Variants in CRYBG3 observed in about 807,000 individuals in gnomAD.
The protein encoded by CRYBG3 is very large A-kinase anchor protein.
CRYBG3 carries 127 observed loss-of-function variants against 244.2 expected under a neutral mutation model. The observed-to-expected ratio is 0.52, with a 90% CI of 0.45 to 0.60. CRYBG3 has a LOEUF of 0.60. CRYBG3 is among the 20% of genes least tolerant of loss of function. The pLI, the probability that CRYBG3 is intolerant of heterozygous loss-of-function variation, is 0.00. For synonymous variants in CRYBG3, 1,132 were observed against 1,195.8 expected (o/e 0.95, Z 1.10); for missense variants, 3,325 against 3,442.5 (o/e 0.97, Z 0.85).
intron 17 of CRYBG3, chr3:97,933,462 G>GAGAT: frequency 1.7e-6 from 1 of 583,950 alleles, no homozygotes; most frequent in Non-Finnish European, 3.1e-6. Flanking sequence ...TTTTTATTAT[G>GAGAT]AGATTGATTG....
At chr3:97,847,911 C>A (rs2038926435) in intron 2 of CRYBG3, among the ~76,000 whole-genome samples, 1 of 152,130 alleles carries the variant, frequency 6.6e-6, no homozygotes, top group Admixed American at 6.6e-5. Flanking sequence ...TGACACATTA[C>A]CCTTATTTCT....
chr3:97,895,821 A>C (rs1262539105), intron 11 of CRYBG3, 138 bp from the exon 12 acceptor site: 2 of 706,444 alleles, frequency 2.8e-6, no homozygotes, highest in Non-Finnish European at 4.6e-6. Context: ...GTCTATCTTT[A>C]TAAATGAAAC....
At position 97,873,981 on chromosome 3, in the gene CRYBG3, A is replaced by C. The variant is rs1341287842; in HGVS notation, c.2787A>C (p.Leu929Phe). Residue 929 changes from leucine to phenylalanine, a missense_variant, in exon 4 of 22, where the codon TTA (leucine) becomes TTC (phenylalanine). By Grantham distance (22) the Leu-to-Phe change is conservative. Transcript: ENST00000389622. ...AGCCAGAACCAGAGGTAGATGCCTT[A>C]GGCTCTCCTCCTGCTCTTCTTAAAA... ...EDKPEPEVDA[L>F]GSPPALLKSN... The C allele has an allele frequency of 6.5e-7, 1 of 1,534,618 alleles. No individual in the cohort carries two copies. The highest frequency in any genetic ancestry group is 2.0e-5 in the Admixed American group (1 of 50,714).
chr3:97,934,349 T>G (rs1436108012), intron 18 of CRYBG3, among the ~76,000 whole-genome samples: 1 of 152,046 alleles, frequency 6.6e-6, no homozygotes, highest in East Asian at 1.9e-4. Context: ...ATGTGAATAC[T>G]TAGGACAGAA....
chr3:97,823,110 C>T (rs1307629623), intron 1 of CRYBG3, among the ~76,000 whole-genome samples: 2 of 152,038 alleles, frequency 1.3e-5, no homozygotes, highest in African/African-American at 4.8e-5. Context: ...TTTATCTTTC[C>T]TTCACTTTCC....
At chr3:97,941,328 GT>G in intron 20 of CRYBG3, 22 bp downstream of exon 20, 1 of 1,536,738 alleles carries the variant, frequency 6.5e-7, no homozygotes, top group South Asian at 1.3e-5. Context: ...CACTGATACA[GT>G]ATGCCACTTT....
chr3:97,851,431 C>A lies in CRYBG3; in HGVS notation c.216+8170C>A, dbSNP rs144537413. On this transcript the variant is annotated intron_variant, in intron 2 of 21. Transcript: ENST00000389622. The stretch of plus-strand genomic sequence containing the variant: ...TATGTAAGATTATTGTTTACCTACA[C>A]CCTGTGGTGTCAAGGCAGACATATG... Among the ~76,000 whole-genome samples the A allele has an allele frequency of 5.9e-5, 9 of 152,256 alleles. 1 individual carries two copies. The highest frequency in any genetic ancestry group is 2.2e-4 in the African/African-American group (9 of 41,548).
At chr3:97,862,186 C>T (rs1337878280) in intron 2 of CRYBG3, among the ~76,000 whole-genome samples, 1 of 151,800 alleles carries the variant, frequency 6.6e-6, no homozygotes, top group African/African-American at 2.4e-5. Context: ...TGGAAAGCAA[C>T]CTGTTATGCT....
At chr3:97,912,344 T>C (rs1559741902) in intron 16 of CRYBG3, 68 bp downstream of exon 16, 3 of 782,008 alleles carry the variant, frequency 3.8e-6, no homozygotes, top group Admixed American at 2.9e-5. Flanking sequence ...TACAGAGATA[T>C]ATTTTTTGCA....
rs756049176 is a variant in CRYBG3, at chr3:97,888,420, A to G, written c.7369A>G (p.Thr2457Ala). Residue 2457 changes from threonine (T) to alanine (A), a missense_variant, in exon 9 of 22, where the codon ACA becomes GCA. Thr to Ala is a moderately conservative substitution (Grantham distance 58). Coordinates refer to ENST00000389622, the MANE Select transcript of CRYBG3 (RefSeq NM_153605.4). ...AGACCATGGGCTCTTTGAGATTTCT[A>G]CAGCAGAAATGAAATCATTACATCC... ...EEDHGLFEIS[T>A]AEMKSLHPLQ... is the part of the protein sequence containing the mutation. 4 of 1,611,798 alleles carry G rather than the reference A, an allele frequency of 2.5e-6. No individual in the cohort carries two copies. In the African/African-American group the frequency reaches 5.3e-5, roughly 22 times the overall value.
chr3:97,888,322 A>T lies in CRYBG3; in HGVS notation c.7290-19A>T, dbSNP rs773574257. ...AAGCAGTACTATTATACTTTAACTAACTATCTATTTTTATATAGTTGGCTT... is the reference window on the plus strand; with the variant it reads ...AAGCAGTACTATTATACTTTAACTATCTATCTATTTTTATATAGTTGGCTT... On this transcript the variant is annotated intron_variant, in intron 8 of 21. Transcript: ENST00000389622. The T allele has an allele frequency of 3.5e-6, 5 of 1,435,180 alleles. No homozygotes were observed. The highest frequency in any genetic ancestry group is 2.3e-5 in the East Asian group (1 of 43,932). The allele number at this position is 1,435,180 out of a possible 1,614,324, so 88.9% of individuals were successfully genotyped here. A position where few individuals can be genotyped will look rare whatever the true frequency, so the allele number is the denominator to read the frequency against.
At chr3:97,941,522 A>C (rs1575981762) in intron 20 of CRYBG3, among the ~76,000 whole-genome samples, 1 of 152,102 alleles carries the variant, frequency 6.6e-6, no homozygotes, top group South Asian at 2.1e-4. Flanking sequence ...AAGTAAACAC[A>C]AAGGTTATCA....
Position 97,942,348 on chromosome 3 carries a change from G to C in CRYBG3, c.8729G>C (p.Trp2910Ser). 6.2e-7 allele frequency: 1 copy of C among 1,611,772 alleles called. No individual in the cohort carries two copies. The highest frequency in any genetic ancestry group is 1.1e-5 in the South Asian group (1 of 90,904). ...ACACCTGGAGCTAAAGTAGCTCTAT[G>C]GACTGAACATGGGCAATTCAGGCAG... ...RDTPGAKVAL[W>S]TEHGQFRQKW... The change falls in exon 21 of 22, where the codon TGG becomes TCG. Residue 2910 changes from tryptophan to serine, a missense_variant. Trp to Ser is a radical substitution (Grantham distance 177). Coordinates refer to ENST00000389622, the MANE Select transcript of CRYBG3 (RefSeq NM_153605.4).
chr3:97,923,774 TC>T (rs751216718), intron 17 of CRYBG3, among the ~76,000 whole-genome samples: 10 of 152,112 alleles, frequency 6.6e-5, no homozygotes, highest in Non-Finnish European at 1.3e-4. Flanking sequence ...TAAGTTTTTT[TC>T]CTAGGAATTT....
chr3:97,918,584 G>T (rs1242591305), intron 17 of CRYBG3, among the ~76,000 whole-genome samples: 1 of 152,118 alleles, frequency 6.6e-6, no homozygotes. Context: ...CTGGCTTTAG[G>T]ATTCACAAGG....
At chr3:97,843,403 C>A in intron 2 of CRYBG3, 142 bp downstream of exon 2, 7 of 589,750 alleles carry the variant, frequency 1.2e-5, no homozygotes, top group Non-Finnish European at 2.0e-5. Context: ...CCAACTTTGT[C>A]AGACACTTGC....
chr3:97,896,297 T>A (rs943531297), intron 12 of CRYBG3, among the ~76,000 whole-genome samples: 2 of 152,204 alleles, frequency 1.3e-5, no homozygotes, highest in African/African-American at 4.8e-5. Context: ...TCCGTAATCA[T>A]CTTTTGAGTA....
Position 97,873,102 on chromosome 3 carries a change from A to G in CRYBG3, c.1908A>G (p.Ser636=), listed in dbSNP as rs765645713. The part of the protein sequence containing the change: ...DSESPQQAEV[S]PDAKTSLSLD... ...AGAGTCCTCAACAAGCTGAAGTATCACCTGATGCTAAAACATCTCTTAGCC... is the reference window on the plus strand; with the variant it reads ...AGAGTCCTCAACAAGCTGAAGTATCGCCTGATGCTAAAACATCTCTTAGCC... Residue 636 remains serine (S), a synonymous_variant, in exon 4 of 22, where the codon TCA becomes TCG. Transcript: ENST00000389622. 1.8e-5 allele frequency: 28 copies of G among 1,535,408 alleles called. No individual in the cohort carries two copies. The highest frequency in any genetic ancestry group is 2.4e-5 in the Non-Finnish European group (28 of 1,146,618).
chr3:97,856,380 T>C (rs1165632343), intron 2 of CRYBG3, among the ~76,000 whole-genome samples: 1 of 152,092 alleles, frequency 6.6e-6, no homozygotes, highest in Non-Finnish European at 1.5e-5. Context: ...TATCACATGA[T>C]GAGGATGGCG....
Sources: gnomAD v4.1 joint callset for allele counts (sites outside exome capture counted in the v4.1 genomes callset) on GRCh38, gnomAD v4.1.1 for gene constraint, MANE v1.5 for transcripts, NCBI Gene and HGNC (gene_info 2026-07-23, HGNC 2026-07-21) for gene names.